GSPT1: variants seen among roughly 807,000 people sequenced by gnomAD.
GSPT1 encodes G1 to S phase transition 1.
A neutral mutation model predicts 72.5 loss-of-function variants in GSPT1; 20 were observed. That is an observed-to-expected ratio of 0.28 (90% confidence interval 0.19 to 0.40). GSPT1 has a LOEUF of 0.40. GSPT1 is among the 10% of genes least tolerant of loss of function. The probability of loss-of-function intolerance (pLI) is 1.00; values close to 1 mark genes in which losing one functional copy is unlikely to be tolerated. For synonymous variants in GSPT1, 334 were observed against 293.5 expected (o/e 1.14, Z -1.41); for missense variants, 580 against 811.9 (o/e 0.71, Z 3.47).
intron 1 of GSPT1, among the ~76,000 whole-genome samples, chr16:11,901,293 G>A (rs1282147724): frequency 6.6e-6 from 1 of 152,152 alleles, no homozygotes; most frequent in Non-Finnish European, 1.5e-5. Flanking sequence ...ATGAGCCTGG[G>A]CTTAGAATTT....
At chr16:11,901,874 T>A (rs184406734) in intron 1 of GSPT1, among the ~76,000 whole-genome samples, 2 of 151,622 alleles carry the variant, frequency 1.3e-5, no homozygotes, top group East Asian at 3.9e-4. Context: ...GGCGGGCGGA[T>A]CACCTGAGGT....
chr16:11,907,796 A>G (rs2054507283), intron 1 of GSPT1, among the ~76,000 whole-genome samples: 1 of 152,236 alleles, frequency 6.6e-6, no homozygotes, highest in Admixed American at 6.5e-5. Context: ...GGTCGTATCC[A>G]GCGCTAACAT....
intron 1 of GSPT1, chr16:11,909,015 A>C (rs2054524712): frequency 6.6e-6 from 1 of 152,218 alleles, no homozygotes; most frequent in South Asian, 2.1e-4. Flanking sequence ...GCAATGGACA[A>C]GTAGTATGGT....
chr16:11,904,007 T>C (rs2054452061), intron 1 of GSPT1: 1 of 220,502 alleles, frequency 4.5e-6, no homozygotes, highest in Non-Finnish European at 9.9e-6. Flanking sequence ...CCTTCTTTCT[T>C]GGTTCACCCA....
At chr16:11,892,685 C>T (rs975712553) in intron 5 of GSPT1, among the ~76,000 whole-genome samples, 1 of 150,602 alleles carries the variant, frequency 6.6e-6, no homozygotes, top group African/African-American at 2.4e-5. Flanking sequence ...AAAAATTAGC[C>T]AGACGTGGTG....
rs964790597 is a variant in GSPT1 at position 11,872,829 on chromosome 16, T to A, written c.*290A>T. ...AAAAAATTCCTGTAGGTTTTCATTA[T>A]TGTAGGCAATTATGTCCACATCACT... is the stretch of plus-strand genomic sequence containing the variant. On this transcript the variant is annotated 3_prime_UTR_variant, in exon 15 of 15. Coordinates refer to ENST00000434724, the MANE Select transcript of GSPT1 (RefSeq NM_002094.4). 3.2e-6 allele frequency: 1 copy of A among 315,482 alleles called. No individual in the cohort carries two copies. Among genetic ancestry groups the A allele is most frequent in the Admixed American group, 4.6e-5 (1 of 21,514 alleles). The allele number at this position is 315,482 out of a possible 1,614,324, so 19.5% of individuals were successfully genotyped here. A position where few individuals can be genotyped will look rare whatever the true frequency, so the allele number is the denominator to read the frequency against.
chr16:11,876,043 A>T, intron 13 of GSPT1, 43 bp downstream of exon 13: 1 of 1,470,932 alleles, frequency 6.8e-7, no homozygotes, highest in East Asian at 2.3e-5. Context: ...TATGAAGATA[A>T]AACAGTATTA....
At chr16:11,883,944 A>G (rs2054156327) in intron 10 of GSPT1, among the ~76,000 whole-genome samples, 1 of 151,950 alleles carries the variant, frequency 6.6e-6, no homozygotes, top group African/African-American at 2.4e-5. Flanking sequence ...AAAACAACAC[A>G]GAAGTTTATG....
intron 1 of GSPT1, among the ~76,000 whole-genome samples, chr16:11,902,589 CTTT>C (rs138731095): frequency 0.27 from 38,692 of 144,512 alleles, 6,419 homozygotes; most frequent in East Asian, 0.6. Context: ...GGAACTGGAT[CTTT>C]TTTTTTTTTT....
intron 11 of GSPT1, among the ~76,000 whole-genome samples, chr16:11,878,831 C>T (rs565953855): frequency 2.0e-5 from 3 of 151,726 alleles, no homozygotes; most frequent in African/African-American, 4.8e-5. Flanking sequence ...TTTGGGAGGC[C>T]GAGGCGGGTG....
chr16:11,882,013 T>C (rs1016658507), intron 11 of GSPT1: 2 of 152,290 alleles, frequency 1.3e-5, no homozygotes, highest in East Asian at 1.9e-4. Flanking sequence ...CTGGGTGTGG[T>C]GGCTCAAGCC....
Position 11,896,707 on chromosome 16 carries a change from C to T in GSPT1, c.515G>A (p.Gly172Asp), listed in dbSNP as rs1341269684. 1.9e-6 allele frequency: 3 copies of T among 1,606,964 alleles called. No individual in the cohort carries two copies. The highest frequency in any genetic ancestry group is 2.5e-6 in the Non-Finnish European group (3 of 1,176,496). Residue 172 changes from glycine (G) to aspartate (D), a missense_variant, in exon 4 of 15, where the codon GGT becomes GAT. By Grantham distance (94) the Gly-to-Asp change is moderately conservative. This residue lies in a region of GSPT1 where 327 missense variants were observed against 298.8 expected (regional missense o/e 1.09). Coordinates refer to ENST00000434724, the MANE Select transcript of GSPT1 (RefSeq NM_002094.4). ...CGGCCTTCCATCTCCCAAGGAACCA[C>T]CCCCTGGCTCTGCTTCACTTATTTC... ...KEEISEAEPGGGSLGDGRPPE... is the reference protein window; with the variant it reads ...KEEISEAEPGDGSLGDGRPPE...
At chr16:11,915,293 C>CCCCAGGGCCGCGA in intron 1 of GSPT1, 76 bp downstream of exon 1, 5 of 1,261,072 alleles carry the variant, frequency 4.0e-6, no homozygotes, top group South Asian at 2.7e-5. Flanking sequence ...CAGGGCCGCG[C>CCCCAGGGCCGCGA]GCCCCCGGAC....
chr16:11,913,090 T>G (rs1240086440), intron 1 of GSPT1, among the ~76,000 whole-genome samples: 1 of 152,342 alleles, frequency 6.6e-6, no homozygotes, highest in South Asian at 2.1e-4. Context: ...CCTTGCAAAC[T>G]TTTTGGTTCC....
upstream of GSPT1, among the ~76,000 whole-genome samples, chr16:11,916,351 A>T (rs1256018476): frequency 6.6e-6 from 1 of 152,192 alleles, no homozygotes; most frequent in Non-Finnish European, 1.5e-5. Context: ...AGCCCATAGG[A>T]GGGGTCCACT....
At chr16:11,902,787 G>A (rs1000263204) in intron 1 of GSPT1, among the ~76,000 whole-genome samples, 1 of 151,918 alleles carries the variant, frequency 6.6e-6, no homozygotes, top group East Asian at 1.9e-4. Context: ...GGGGTTTCAC[G>A]ATGTTGCCAG....
chr16:11,916,062 G>A (rs989367458), upstream of GSPT1: 4 of 573,296 alleles, frequency 7.0e-6, no homozygotes, highest in African/African-American at 3.8e-5. Context: ...GTAGTTCTCT[G>A]TTCTGGCCGC....
At chr16:11,914,322 G>A (rs757234506) in intron 1 of GSPT1, among the ~76,000 whole-genome samples, 2 of 152,198 alleles carry the variant, frequency 1.3e-5, no homozygotes, top group African/African-American at 2.4e-5. Flanking sequence ...GCACCATTAT[G>A]AGAATACATA....
At chr16:11,882,566 C>T (rs1426856594) in intron 11 of GSPT1, 1 of 152,992 alleles carries the variant, frequency 6.5e-6, no homozygotes, top group Non-Finnish European at 1.5e-5. Flanking sequence ...ACTGATGACT[C>T]AAGTCTGTGG....
Sources: allele counts gnomAD v4.1 joint callset (sites outside exome capture counted in the v4.1 genomes callset), GRCh38; gene constraint gnomAD v4.1.1; regional missense constraint gnomAD v4.1.1; transcripts MANE v1.5; gene names NCBI Gene and HGNC (gene_info 2026-07-23, HGNC 2026-07-21).